The following CDK8 variants were observed in gnomAD, a reference collection of about 807,000 sequenced individuals.
CDK8 encodes the protein cyclin dependent kinase 8.
A neutral mutation model predicts 71.5 loss-of-function variants in CDK8; 29 were observed. That is an observed-to-expected ratio of 0.41 (90% CI 0.30 to 0.55). The LOEUF (loss-of-function observed/expected upper bound fraction) is 0.55, where lower values mean the gene tolerates loss of function less well. CDK8 is among the 20% of genes least tolerant of loss of function. The pLI, the probability that CDK8 is intolerant of heterozygous loss-of-function variation, is 0.37. For synonymous variants in CDK8, 161 were observed against 192.1 expected, an observed-to-expected ratio of 0.84 and a Z score of 1.34; for missense variants, 288 against 572.6, an observed-to-expected ratio of 0.50 and a Z score of 5.07.
intron 1 of CDK8, among the ~76,000 whole-genome samples, chr13:26,293,404 A>G (rs1873393818): frequency 6.6e-6 from 1 of 152,004 alleles, no homozygotes; most frequent in African/African-American, 2.4e-5. Flanking sequence ...GGAGTTCATG[A>G]CCAGCCTGGG....
intron 4 of CDK8, among the ~76,000 whole-genome samples, chr13:26,369,614 C>T (rs1262992118): frequency 2.0e-5 from 3 of 147,854 alleles, no homozygotes; most frequent in East Asian, 2.0e-4. Flanking sequence ...CTGCAAGCTC[C>T]GCTTCCTGGG....
chr13:26,271,848 A>G (rs1368136214), intron 1 of CDK8, among the ~76,000 whole-genome samples: 11 of 106,378 alleles, frequency 1.0e-4, no homozygotes, highest in East Asian at 3.2e-4. Flanking sequence ...TTTTTAAGAG[A>G]GAGACATAAA....
At chr13:26,360,372 A>G (rs984893108) in intron 4 of CDK8, among the ~76,000 whole-genome samples, 3 of 152,120 alleles carry the variant, frequency 2.0e-5, no homozygotes, top group African/African-American at 7.2e-5. Flanking sequence ...TCCAGCTCCA[A>G]TCTTCTTTTC....
chr13:26,388,772 T>A (rs1161810752), intron 6 of CDK8, among the ~76,000 whole-genome samples: 2 of 152,218 alleles, frequency 1.3e-5, no homozygotes, highest in African/African-American at 4.8e-5. Context: ...AAATCTAAAC[T>A]ACCAGCACTT....
chr13:26,349,629 G>T (rs180890138), intron 3 of CDK8, among the ~76,000 whole-genome samples: 1 of 152,144 alleles, frequency 6.6e-6, no homozygotes, highest in East Asian at 1.9e-4. Context: ...ATTATTTGTC[G>T]TATAGCATTA....
Position 26,370,206 on chromosome 13 carries a change from T to G in CDK8, c.457-12608T>G, listed in dbSNP as rs929053148. On this transcript the variant is annotated intron_variant, in intron 4 of 12. Transcript: ENST00000381527. ...CTGACATAGAACCTGATAAAGATAA[T>G]GCCTACAACCCTAAACCATTATCAC... is the stretch of plus-strand genomic sequence containing the variant. Among the ~76,000 whole-genome samples, 5 of 152,322 alleles carry G rather than the reference T, an allele frequency of 3.3e-5. No homozygotes were observed. In the South Asian group the frequency reaches 1.0e-3, roughly 32 times the overall value.
chr13:26,403,877 A>G, intron 12 of CDK8, 79 bp from the exon 13 acceptor site: 1 of 1,531,578 alleles, frequency 6.5e-7, no homozygotes, highest in Non-Finnish European at 8.9e-7. Context: ...TTGAAACATA[A>G]TGACACTTCA....
chr13:26,351,760 T>C (rs973867735), intron 3 of CDK8, among the ~76,000 whole-genome samples: 3 of 152,106 alleles, frequency 2.0e-5, no homozygotes, highest in African/African-American at 7.2e-5. Flanking sequence ...AAAAAACAAA[T>C]GATAATTTAG....
At chr13:26,384,365 A>G (rs1046200687) in intron 5 of CDK8, among the ~76,000 whole-genome samples, 11 of 152,188 alleles carry the variant, frequency 7.2e-5, no homozygotes, top group African/African-American at 2.7e-4. Flanking sequence ...AAATTTTTGA[A>G]TAGGTGGTAT....
rs555848009 is a variant in CDK8 at position 26,340,680 on chromosome 13, C to G, written c.204+3038C>G. Among the ~76,000 whole-genome samples, 9 of 152,168 alleles carry G rather than the reference C, an allele frequency of 5.9e-5. No homozygotes were observed. The East Asian group carries it at 1.4e-3, about 23-fold the overall frequency. On this transcript the variant is annotated intron_variant, in intron 2 of 12. Transcript: ENST00000381527. The stretch of plus-strand genomic sequence containing the variant: ...CTCCATTAACTCTCTATGATTACAC[C>G]CAGTTTGTTTCTTTAATATAACACT...
rs1005122190 is a variant in CDK8 at position 26,254,461 on chromosome 13, G to C, written c.-181G>C. The C allele has an allele frequency of 1.6e-5, 8 of 486,904 alleles. No homozygotes were observed. Among genetic ancestry groups the C allele is most frequent in the African/African-American group, 1.2e-4 (6 of 48,378 alleles). The allele number at this position is 486,904 out of a possible 1,614,324, so 30.2% of individuals were successfully genotyped here. On this transcript the variant is annotated 5_prime_UTR_variant, in exon 1 of 13. Transcript: ENST00000381527. The surrounding 1 kb of genome is among the most constrained non-coding windows in gnomAD (Gnocchi z 6.7). ...CGGCCTCTGCCCCGCCGTCCCCCTGGATGTCCCTGGCGCTTTCGCGGGGCC... is the reference window on the plus strand; with the variant it reads ...CGGCCTCTGCCCCGCCGTCCCCCTGCATGTCCCTGGCGCTTTCGCGGGGCC...
intron 4 of CDK8, among the ~76,000 whole-genome samples, chr13:26,371,223 G>T (rs1874668307): frequency 6.6e-6 from 1 of 152,126 alleles, no homozygotes; most frequent in South Asian, 2.1e-4. Context: ...TATATATCAA[G>T]AATCTTGCTA....
At chr13:26,331,457 G>T (rs903347565) in intron 1 of CDK8, among the ~76,000 whole-genome samples, 5 of 152,042 alleles carry the variant, frequency 3.3e-5, no homozygotes, top group South Asian at 2.1e-4. Flanking sequence ...AAGTCTCATT[G>T]TCTGTTTTTG....
At chr13:26,377,572 A>G (rs1440392138) in intron 4 of CDK8, among the ~76,000 whole-genome samples, 4 of 152,170 alleles carry the variant, frequency 2.6e-5, no homozygotes, top group African/African-American at 2.4e-5. Context: ...GCAAGAAACA[A>G]CTTTACTAGA....
intron 4 of CDK8, among the ~76,000 whole-genome samples, chr13:26,374,018 A>T (rs1316017433): frequency 3.2e-4 from 27 of 83,254 alleles, no homozygotes; most frequent in African/African-American, 1.6e-3. Context: ...CTTCTCTACT[A>T]AAAAAAAAAA....
intron 7 of CDK8, among the ~76,000 whole-genome samples, chr13:26,395,130 A>C (rs989251430): frequency 6.6e-6 from 1 of 152,214 alleles, no homozygotes; most frequent in Non-Finnish European, 1.5e-5. Context: ...ATGTCTTTGG[A>C]GGATAGTTAC....
intron 1 of CDK8, among the ~76,000 whole-genome samples, chr13:26,332,622 G>A (rs1235329788): frequency 1.3e-5 from 2 of 152,120 alleles, no homozygotes; most frequent in Non-Finnish European, 2.9e-5. Context: ...TGTTGAATAA[G>A]AGTGGTGAAA....
intron 4 of CDK8, among the ~76,000 whole-genome samples, chr13:26,371,730 C>T (rs1011479280): frequency 2.6e-5 from 4 of 152,136 alleles, no homozygotes; most frequent in African/African-American, 9.7e-5. Flanking sequence ...ATTCTCCTGC[C>T]TCAGCCTCTT....
chr13:26,341,274 G>A (rs929637835), intron 2 of CDK8, among the ~76,000 whole-genome samples: 4 of 152,006 alleles, frequency 2.6e-5, no homozygotes, highest in Admixed American at 6.6e-5. Flanking sequence ...TTACAGGTGC[G>A]CGCCACCACA....
Sources: gnomAD v4.1 joint callset for allele counts (sites outside exome capture counted in the v4.1 genomes callset) on GRCh38, gnomAD v4.1.1 for gene constraint, Gnocchi (gnomAD v3.1) non-coding constraint, MANE v1.5 for transcripts, NCBI Gene and HGNC (gene_info 2026-07-23, HGNC 2026-07-21) for gene names.